The following TMTC2 variants were observed in gnomAD, a reference collection of about 807,000 sequenced individuals.
TMTC2 encodes the protein protein O-mannosyl-transferase TMTC2.
Under a neutral mutation model 82.4 loss-of-function variants are expected in TMTC2, and 43 were observed. The ratio of observed to expected loss-of-function variants is 0.52; its 90% CI spans 0.41 to 0.67. The LOEUF (loss-of-function observed/expected upper bound fraction) is 0.67. Among genes scored for constraint, TMTC2 ranks in the 30% least tolerant of loss-of-function variants. TMTC2 has a pLI of 0.00. For synonymous variants in TMTC2, 408 were observed against 381.9 expected (o/e 1.07, Z -0.80); for missense variants, 919 against 1,012.4 (o/e 0.91, Z 1.25).
intron 7 of TMTC2, among the ~76,000 whole-genome samples, chr12:82,972,070 A>AG (rs1878473790): frequency 6.6e-6 from 1 of 152,182 alleles, no homozygotes; most frequent in African/African-American, 2.4e-5. Context: ...AACAAACAAG[A>AG]GAAACTCAAC....
chr12:82,979,429 A>G (rs1878823868), intron 7 of TMTC2, among the ~76,000 whole-genome samples: 1 of 151,746 alleles, frequency 6.6e-6, no homozygotes, highest in African/African-American at 2.4e-5. Context: ...TCACTGAGAG[A>G]AAAAGATTAA....
chr12:82,867,415 T>G (rs748837003), intron 2 of TMTC2, among the ~76,000 whole-genome samples: 34 of 152,288 alleles, frequency 2.2e-4, no homozygotes, highest in Middle Eastern at 6.8e-3. Context: ...TTGCTTATGA[T>G]TACTGTAAAT....
At chr12:82,928,137 G>A (rs1875827178) in intron 3 of TMTC2, among the ~76,000 whole-genome samples, 1 of 151,562 alleles carries the variant, frequency 6.6e-6, no homozygotes, top group Non-Finnish European at 1.5e-5. Context: ...AATATTCAAA[G>A]GTATGTCTTT....
At chr12:82,870,155 C>T (rs902869311) in intron 2 of TMTC2, among the ~76,000 whole-genome samples, 2 of 151,802 alleles carry the variant, frequency 1.3e-5, no homozygotes, top group Non-Finnish European at 2.9e-5. Context: ...TTCTTTTTTC[C>T]TTTGTTAATA....
intron 2 of TMTC2, among the ~76,000 whole-genome samples, chr12:82,890,764 C>A (rs149559673): frequency 6.6e-6 from 1 of 152,262 alleles, no homozygotes; most frequent in Admixed American, 6.5e-5. Context: ...ATGTGTGAAG[C>A]TCCAAGAACA....
At chr12:82,910,179 G>T (rs947709655) in intron 3 of TMTC2, among the ~76,000 whole-genome samples, 1 of 152,186 alleles carries the variant, frequency 6.6e-6, no homozygotes, top group Non-Finnish European at 1.5e-5. Context: ...AAAAAATTGA[G>T]ATATTCAAGT....
intron 9 of TMTC2, among the ~76,000 whole-genome samples, chr12:83,045,707 T>TCACACA (rs143555229): frequency 0.017 from 2,051 of 122,714 alleles, 71 homozygotes; most frequent in African/African-American, 0.048. Flanking sequence ...AAGGGCTCCT[T>TCACACA]CACACACACA....
At chr12:82,930,588 C>A in intron 4 of TMTC2, 43 bp downstream of exon 4, 1 of 1,240,976 alleles carries the variant, frequency 8.1e-7, no homozygotes, top group Non-Finnish European at 1.2e-6. Flanking sequence ...TCTTTGAAAC[C>A]TGCAGTGAGA....
chr12:82,732,652 C>G (rs1565726749), intron 1 of TMTC2, among the ~76,000 whole-genome samples: 1 of 152,086 alleles, frequency 6.6e-6, no homozygotes, highest in Non-Finnish European at 1.5e-5. Flanking sequence ...TGGTTCTCAT[C>G]ATCTTTAAGG....
intron 4 of TMTC2, among the ~76,000 whole-genome samples, chr12:82,949,603 G>A (rs1242307221): frequency 2.0e-5 from 3 of 151,906 alleles, no homozygotes; most frequent in Non-Finnish European, 2.9e-5. Context: ...TTGGTCCTGT[G>A]TCTGACCTTA....
intron 3 of TMTC2, among the ~76,000 whole-genome samples, chr12:82,916,765 A>AT (rs1324522670): frequency 1.3e-5 from 2 of 152,164 alleles, no homozygotes; most frequent in African/African-American, 4.8e-5. Flanking sequence ...TTACATTAAA[A>AT]TTTTTTTCTT....
chr12:83,026,409 A>C (rs1446871423), intron 8 of TMTC2, among the ~76,000 whole-genome samples: 3 of 152,108 alleles, frequency 2.0e-5, no homozygotes, highest in Non-Finnish European at 4.4e-5. Context: ...AATATACAAA[A>C]ATATATATAC....
At chr12:82,808,022 G>GCCC (rs1386147722) in intron 1 of TMTC2, among the ~76,000 whole-genome samples, 3 of 151,698 alleles carry the variant, frequency 2.0e-5, no homozygotes, top group African/African-American at 7.3e-5. Flanking sequence ...AATTTTAATT[G>GCCC]GATGCAGAAA....
chr12:83,117,914 T>TTATTTATG (rs1884819216), intron 11 of TMTC2, among the ~76,000 whole-genome samples: 1 of 151,412 alleles, frequency 6.6e-6, no homozygotes, highest in African/African-American at 2.4e-5. Context: ...ATTTATTTAT[T>TTATTTATG]TATTTATTTA....
chr12:82,792,691 G>A (rs533673852), intron 1 of TMTC2, among the ~76,000 whole-genome samples: 6 of 151,886 alleles, frequency 4.0e-5, no homozygotes, highest in East Asian at 1.9e-4. Flanking sequence ...GCCTCTGCTC[G>A]TCTTGAATGC....
chr12:83,078,637 A>G lies in TMTC2; in HGVS notation c.2331+16806A>G, dbSNP rs190768207. 2.2e-4 allele frequency among the ~76,000 whole-genome samples: 34 copies of G among 152,308 alleles called. 1 individual carries two copies. The highest frequency in any genetic ancestry group is 7.7e-4 in the African/African-American group (32 of 41,572). On this transcript the variant is annotated intron_variant, in intron 11 of 11. Transcript: ENST00000321196. ...GTGAACCTGCATTTTTGGTGATACC[A>G]AAAAGTAAAACTATAGAGAATTCAG...
chr12:82,964,935 A>G (rs1203919623), intron 4 of TMTC2, 89 bp from the exon 5 acceptor site: 32 of 786,298 alleles, frequency 4.1e-5, no homozygotes, highest in Non-Finnish European at 6.4e-5. Flanking sequence ...GCTGTTAACC[A>G]TTTTTATTTT....
intron 11 of TMTC2, among the ~76,000 whole-genome samples, chr12:83,063,483 ATGTGCTAAGCAC>A (rs1882813943): frequency 6.6e-6 from 1 of 151,888 alleles, no homozygotes; most frequent in Admixed American, 6.6e-5. Context: ...ACTTATTATT[ATGTGCTAAGCAC>A]TGTGCTAAGT....
At chr12:82,773,265 A>T (rs35267636) in intron 1 of TMTC2, among the ~76,000 whole-genome samples, 3,167 of 152,232 alleles carry the variant, frequency 0.021, 42 homozygotes, top group Non-Finnish European at 0.034. Flanking sequence ...ATATAGTCAA[A>T]AGCTTGACAG....
Sources: allele counts gnomAD v4.1 joint callset (sites outside exome capture counted in the v4.1 genomes callset), GRCh38; gene constraint gnomAD v4.1.1; transcripts MANE v1.5; gene names NCBI Gene and HGNC (gene_info 2026-07-23, HGNC 2026-07-21).